Variants in TTN observed in about 807,000 individuals in gnomAD.
The protein encoded by TTN is titin.
TTN carries 1,525 observed loss-of-function variants against 3,223.0 expected under a neutral mutation model. That is an observed-to-expected ratio of 0.47 (90% CI 0.45 to 0.49). The LOEUF (loss-of-function observed/expected upper bound fraction) is 0.49. Among genes scored for constraint, TTN ranks in the 20% least tolerant of loss-of-function variants. TTN has a pLI of 0.00. For missense variants in TTN, 40,786 were observed against 43,424.0 expected (o/e 0.94, Z 5.40); for synonymous variants, 14,094 against 15,161.0 (o/e 0.93, Z 5.17).
rs774587761 is a variant in TTN, at chr2:178,567,693, G to C, written c.78439C>G (p.Gln26147Glu). ...TCAGTAAGACCTGACACAGTAAATT[G>C]AGTTTCAATGACATTTGTAAAGCTA... ...KASFTNVIET[Q>E]FTVSGLTEDQ... Residue 26147 changes from glutamine (Q) to glutamate (E), a missense_variant, in exon 326 of 363, where the codon CAA becomes GAA. By Grantham distance (29) the Gln-to-Glu change is conservative. Transcript: ENST00000589042. 6.2e-6 allele frequency: 10 copies of C among 1,611,756 alleles called. No individual in the cohort carries two copies. The South Asian group carries it at 9.9e-5, about 16-fold the overall frequency.
intron 205 of TTN, 40 bp from the exon 206 acceptor site, chr2:178,651,789 T>A (rs2063026895): frequency 6.2e-7 from 1 of 1,608,364 alleles, no homozygotes; most frequent in Non-Finnish European, 8.5e-7. Context: ...GAACGAAGAT[T>A]GAGAAACAAG....
chr2:178,594,490 G>A lies in TTN; in HGVS notation c.58004C>T (p.Thr19335Ile), dbSNP rs878924097. The change falls in exon 296 of 363, where the codon ACA becomes ATA. Residue 19335 changes from threonine (T) to isoleucine (I), a missense_variant. Physicochemically the swap from Thr to Ile is moderately conservative, Grantham distance 89. Coordinates refer to ENST00000589042, the MANE Select transcript of TTN (RefSeq NM_001267550.2). ...TTTTCTGCTAAGCAAGTTGTCATTT[G>A]TAACTTTGTGGAACTTCTCAGTCCC... Reference protein sequence around the residue: ...LIGTEKFHKVTNDNLLSRKYT... With the variant: ...LIGTEKFHKVINDNLLSRKYT... 1.9e-6 allele frequency: 3 copies of A among 1,613,354 alleles called. No individual in the cohort carries two copies. Among genetic ancestry groups the A allele is most frequent in the Admixed American group, 1.7e-5 (1 of 59,964 alleles).
Position 178,613,802 on chromosome 2 carries a change from G to T in TTN, c.49481C>A (p.Thr16494Lys), listed in dbSNP as rs1576450617. The part of the protein sequence containing the change: ...GYWVERLDPD[T>K]DKWVRCNKMP... ...CTTATTGCATCTAACCCATTTATCT[G>T]TATCAGGATCCAGTCTTTCAACCCA... Residue 16494 changes from threonine to lysine, a missense_variant, in exon 263 of 363, where the codon ACA becomes AAA. Coordinates refer to ENST00000589042, the MANE Select transcript of TTN (RefSeq NM_001267550.2). 1 of 1,612,540 alleles carries T rather than the reference G, an allele frequency of 6.2e-7. No individual in the cohort carries two copies. Among genetic ancestry groups the T allele is most frequent in the Non-Finnish European group, 8.5e-7 (1 of 1,179,018 alleles).
chr2:178,693,231 A>T (rs540255870), intron 119 of TTN, among the ~76,000 whole-genome samples: 3 of 152,288 alleles, frequency 2.0e-5, no homozygotes, highest in African/African-American at 7.2e-5. Context: ...AATATACTTT[A>T]TTGGACTGTA....
Position 178,557,308 on chromosome 2 carries a change from A to G in TTN, c.87954T>C (p.Ala29318=). The G allele has an allele frequency of 6.2e-7, 1 of 1,613,948 alleles. No individual in the cohort carries two copies. The highest frequency in any genetic ancestry group is 8.5e-7 in the Non-Finnish European group (1 of 1,179,874). The change falls in exon 329 of 363, where the codon GCT becomes GCC. Residue 29318 remains alanine (A), a synonymous_variant. Coordinates refer to ENST00000589042, the MANE Select transcript of TTN (RefSeq NM_001267550.2). ...AAGGATGGCTAGGTTTTCCAACTCC[A>G]GCAGCATTTTCTGCATACACCCTGA... is the stretch of plus-strand genomic sequence containing the variant. ...YEFRVYAENA[A]GVGKPSHPSE...
intron 157 of TTN, among the ~76,000 whole-genome samples, chr2:178,669,937 A>T (rs917285666): frequency 1.3e-5 from 2 of 151,834 alleles, no homozygotes; most frequent in Non-Finnish European, 2.9e-5. Flanking sequence ...TTCCAGAGCT[A>T]CTTCAGAAGA....
rs1242460927 is a variant in TTN at position 178,695,398 on chromosome 2, C to G, written c.31220G>C (p.Arg10407Thr). Reference protein sequence around the residue: ...QKEVYEESHERKVPAKVPEKK... With the variant: ...QKEVYEESHETKVPAKVPEKK... The stretch of plus-strand genomic sequence containing the variant: ...TTCAGGTACTTTGGCTGGAACTTTT[C>G]TCTCATGTGATTCTGAAATAAAAAC... Residue 10407 changes from arginine (R) to threonine (T), a missense_variant, in exon 115 of 363, where the codon AGA becomes ACA. Transcript: ENST00000589042. The G allele has an allele frequency of 6.2e-7, 1 of 1,612,050 alleles. No individual in the cohort carries two copies. Among genetic ancestry groups the G allele is most frequent in the East Asian group, 2.2e-5 (1 of 44,778 alleles).
At chr2:178,665,547 G>A in intron 164 of TTN, 87 bp from the exon 165 acceptor site, 3 of 1,440,074 alleles carry the variant, frequency 2.1e-6, no homozygotes, top group South Asian at 2.4e-5. Context: ...GATATTTATG[G>A]CTAAAAAGAT....
chr2:178,764,766 A>C lies in TTN; in HGVS notation c.9749T>G (p.Val3250Gly), dbSNP rs55634230. 2.2e-5 allele frequency: 35 copies of C among 1,613,918 alleles called. 1 individual carries two copies. In the East Asian group the frequency reaches 4.5e-4, roughly 21 times the overall value. The change falls in exon 42 of 363, where the codon GTG becomes GGG. Residue 3250 changes from valine to glycine, a missense_variant. Coordinates refer to ENST00000589042, the MANE Select transcript of TTN (RefSeq NM_001267550.2). ...GAAGCGGGCAGGCTTGCCAGACTGC[A>C]CAGTGACAGGCTGGAGCTCCTGCAG... ...QVLQELQPVT[V>G]QSGKPARFCA...
Position 178,776,998 on chromosome 2 carries a change from G to T in TTN, c.4866C>A (p.Ser1622Arg). ...EAALKIDSTVSQDSAWYTATA... is the reference protein window; with the variant it reads ...EAALKIDSTVRQDSAWYTATA... ...TCGCAGTATACCAGGCAGAATCTTG[G>T]CTGACAGTGGAATCGATTTTAAGGG... The change falls in exon 28 of 363, where the codon AGC (serine) becomes AGA (arginine). Residue 1622 changes from serine to arginine, a missense_variant. Transcript: ENST00000589042. The T allele has an allele frequency of 6.2e-7, 1 of 1,614,042 alleles. No individual in the cohort carries two copies. Among genetic ancestry groups the T allele is most frequent in the Non-Finnish European group, 8.5e-7 (1 of 1,179,998 alleles).
chr2:178,704,100 C>T, intron 106 of TTN, 47 bp downstream of exon 106: 1 of 1,589,292 alleles, frequency 6.3e-7, no homozygotes, highest in Non-Finnish European at 8.6e-7. Flanking sequence ...CAACATTTGC[C>T]ATTGACCTAT....
rs772361510 is a variant in TTN at position 178,546,132 on chromosome 2, T to A, written c.95120-16A>T. ...CCAGGGGAATCTGAAACAGGTGTAA[T>A]GACAAGCCATGATGAAGATCATTCT... On this transcript the variant is annotated splice_polypyrimidine_tract_variant and intron_variant, in intron 342 of 362. Transcript: ENST00000589042. The A allele has an allele frequency of 6.3e-7, 1 of 1,592,302 alleles. No homozygotes were observed. Among genetic ancestry groups the A allele is most frequent in the Non-Finnish European group, 8.6e-7 (1 of 1,167,964 alleles).
In TTN at chr2:178,666,819, T is replaced by C. The variant is rs1361141963; in HGVS notation, c.35875+5A>G. 1 of 1,556,492 alleles carries C rather than the reference T, an allele frequency of 6.4e-7. No individual in the cohort carries two copies. Among genetic ancestry groups the C allele is most frequent in the Non-Finnish European group, 8.7e-7 (1 of 1,150,796 alleles). Reference sequence around the variant, plus strand: ...TTAAAAAGGTGACTTTCTTCCAACTTGTACCTGTTGGTGATGGTGTTTTTC... The same window carrying C: ...TTAAAAAGGTGACTTTCTTCCAACTCGTACCTGTTGGTGATGGTGTTTTTC... On this transcript the variant is annotated splice_donor_5th_base_variant and intron_variant, in intron 163 of 362. Coordinates refer to ENST00000589042, the MANE Select transcript of TTN (RefSeq NM_001267550.2).
chr2:178,607,142 A>C lies in TTN; in HGVS notation c.53460T>G (p.Ser17820=). The change falls in exon 278 of 363, where the codon TCT becomes TCG. Residue 17820 remains serine (S), a synonymous_variant. Coordinates refer to ENST00000589042, the MANE Select transcript of TTN (RefSeq NM_001267550.2). ...TWRQPIETER[S]KCDITGLLEG... is the part of the protein sequence containing the mutation. ...CAAGCAGACCTGTGATGTCACATTT[A>C]GATCTCTCAGTCTCTATTGGTTGTC... 1 of 1,612,954 alleles carries C rather than the reference A, an allele frequency of 6.2e-7. No homozygotes were observed. The highest frequency in any genetic ancestry group is 8.5e-7 in the Non-Finnish European group (1 of 1,179,278).
rs72648221 is a variant in TTN at position 178,561,492 on chromosome 2, T to C, written c.84640A>G (p.Met28214Val). ...ANKILIADTQ[M>V]KVSGLDEGLM... The stretch of plus-strand genomic sequence containing the variant: ...CCTTCATCAAGGCCGGAGACTTTCA[T>C]TTGAGTATCAGCAATGAGGATTTTA... Residue 28214 changes from methionine to valine, a missense_variant, in exon 326 of 363, where the codon ATG becomes GTG. By Grantham distance (21) the Met-to-Val change is conservative. Transcript: ENST00000589042. 755 of 1,613,768 alleles carry C rather than the reference T, an allele frequency of 4.7e-4. 2 individuals carry two copies. Among genetic ancestry groups the C allele is most frequent in the Non-Finnish European group, 6.0e-4 (711 of 1,179,754 alleles).
chr2:178,746,045 C>T, intron 47 of TTN: 2 of 1,613,436 alleles, frequency 1.2e-6, no homozygotes, highest in Non-Finnish European at 1.7e-6. Context: ...AGCTCTGCAC[C>T]TGTATGTTGC....
At chr2:178,696,393 T>G (rs555392559) in intron 113 of TTN, 124 bp from the exon 114 acceptor site, 1 of 897,556 alleles carries the variant, frequency 1.1e-6, no homozygotes, top group African/African-American at 1.7e-5. Context: ...ATTTGTTTTT[T>G]TTTTTTGTAT....
intron 312 of TTN, 167 bp downstream of exon 312, chr2:178,583,440 T>C: frequency 1.1e-6 from 1 of 876,412 alleles, no homozygotes; most frequent in East Asian, 2.8e-5. Context: ...TGCTTTTTAA[T>C]TTAGCATGTT....
Position 178,576,007 on chromosome 2 carries a change from T to C in TTN, c.70125A>G (p.Glu23375=). 6.2e-7 allele frequency: 1 copy of C among 1,612,714 alleles called. No individual in the cohort carries two copies. The highest frequency in any genetic ancestry group is 8.5e-7 in the Non-Finnish European group (1 of 1,178,982). The change falls in exon 326 of 363, where the codon GAA becomes GAG. Residue 23375 remains glutamate (E), a synonymous_variant. Transcript: ENST00000589042. The surrounding 1 kb of genome is among the most constrained non-coding windows in gnomAD (Gnocchi z 4.3). ...FVPIKGRPAP[E]VTWTKDNINL... The stretch of plus-strand genomic sequence containing the variant: ...TGATGTTATCTTTGGTCCATGTCAC[T>C]TCAGGAGCAGGACGACCTTTAATTG...
Sources: allele counts gnomAD v4.1 joint callset (sites outside exome capture counted in the v4.1 genomes callset), GRCh38; gene constraint gnomAD v4.1.1; non-coding constraint Gnocchi (gnomAD v3.1); transcripts MANE v1.5; gene names NCBI Gene and HGNC (gene_info 2026-07-23, HGNC 2026-07-21).